Variants in TOX2 observed in about 807,000 individuals in gnomAD.
TOX2 encodes TOX high mobility group box family member 2, also known as granulosa cell HMG box 1.
A neutral mutation model predicts 47.4 loss-of-function variants in TOX2; 15 were observed. The ratio of observed to expected loss-of-function variants is 0.32; its 90% CI spans 0.21 to 0.49. The LOEUF (loss-of-function observed/expected upper bound fraction) is 0.49. Among genes scored for constraint, TOX2 ranks in the 20% least tolerant of loss-of-function variants. TOX2 has a pLI of 0.99. For missense variants in TOX2, 622 were observed against 673.1 expected (o/e 0.92, Z 0.84); for synonymous variants, 290 against 296.6 (o/e 0.98, Z 0.23).
Position 44,051,559 on chromosome 20 carries a change from A to G in TOX2, c.651+14A>G. On this transcript the variant is annotated intron_variant, in intron 4 of 8. Transcript: ENST00000341197. ...GTGCATTTCAAGGTATGTGCGGTGG[A>G]GGAACAGAGCCTGAAGCTGCCCTCC... 1 of 1,559,364 alleles carries G rather than the reference A, an allele frequency of 6.4e-7. No individual in the cohort carries two copies. The highest frequency in any genetic ancestry group is 8.7e-7 in the Non-Finnish European group (1 of 1,148,254).
chr20:44,055,319 A>C (rs943376686), intron 5 of TOX2, among the ~76,000 whole-genome samples: 1 of 152,226 alleles, frequency 6.6e-6, no homozygotes, highest in Non-Finnish European at 1.5e-5. Context: ...AGGAGGGTAC[A>C]TAGTTCATGA....
At chr20:44,050,406 A>G (rs1328022429) in intron 3 of TOX2, among the ~76,000 whole-genome samples, 1 of 152,250 alleles carries the variant, frequency 6.6e-6, no homozygotes, top group East Asian at 1.9e-4. Context: ...AAAAAATGGG[A>G]GAAAAACAGA....
intron 5 of TOX2, among the ~76,000 whole-genome samples, chr20:44,062,368 AAAT>A: frequency 5.8e-5 from 1 of 17,258 alleles, no homozygotes; most frequent in African/African-American, 1.9e-4. Context: ...TTTAACTGCA[AAAT>A]AAATAAATAA....
chr20:43,958,635 C>T (rs1170239365), intron 1 of TOX2, among the ~76,000 whole-genome samples: 1 of 152,234 alleles, frequency 6.6e-6, no homozygotes, highest in Non-Finnish European at 1.5e-5. Flanking sequence ...TGGCATATGG[C>T]CAGGTACATT....
At chr20:43,991,173 G>A (rs2070361235) in intron 2 of TOX2, among the ~76,000 whole-genome samples, 1 of 152,214 alleles carries the variant, frequency 6.6e-6, no homozygotes, top group Non-Finnish European at 1.5e-5. Flanking sequence ...TCAGAGGTAG[G>A]GGCTCAGATC....
intron 1 of TOX2, among the ~76,000 whole-genome samples, chr20:43,950,097 T>C (rs2069535500): frequency 6.6e-6 from 1 of 152,130 alleles, no homozygotes; most frequent in Admixed American, 6.5e-5. Flanking sequence ...TCTTTCCCAC[T>C]TGCTGGATTG....
intron 2 of TOX2, among the ~76,000 whole-genome samples, chr20:44,003,441 G>A (rs763583690): frequency 9.2e-5 from 14 of 151,918 alleles, no homozygotes; most frequent in Non-Finnish European, 1.6e-4. Context: ...CTCCCGTCTT[G>A]GCCTCCCAAA....
intron 7 of TOX2, 137 bp from the exon 8 acceptor site, chr20:44,066,593 G>T (rs2145803888): frequency 1.5e-6 from 2 of 1,339,744 alleles, no homozygotes; most frequent in Non-Finnish European, 2.1e-6. Flanking sequence ...TCTACTGGGA[G>T]CAAGGCAGCA....
At chr20:44,037,614 T>G (rs778347735) in intron 3 of TOX2, among the ~76,000 whole-genome samples, 10 of 152,174 alleles carry the variant, frequency 6.6e-5, no homozygotes, top group Non-Finnish European at 1.0e-4. Context: ...CATCAAAGAT[T>G]TGTTGGTGAC....
intron 1 of TOX2, among the ~76,000 whole-genome samples, chr20:43,948,121 T>C (rs1174741136): frequency 6.6e-6 from 1 of 152,142 alleles, no homozygotes; most frequent in Admixed American, 6.5e-5. Flanking sequence ...GCTCAGTAAA[T>C]AACGTGTTCT....
chr20:44,016,764 C>T (rs1194942598), intron 3 of TOX2, among the ~76,000 whole-genome samples: 3 of 152,196 alleles, frequency 2.0e-5, no homozygotes, highest in African/African-American at 7.2e-5. Flanking sequence ...TGTATGAGGA[C>T]CCAGTTCAGA....
chr20:43,960,695 C>T (rs1406813961), intron 1 of TOX2, among the ~76,000 whole-genome samples: 2 of 152,236 alleles, frequency 1.3e-5, no homozygotes, highest in African/African-American at 4.8e-5. Flanking sequence ...AAAGCACATG[C>T]TGATTTCACT....
At chr20:44,064,406 T>A (rs2071773191) in intron 5 of TOX2, among the ~76,000 whole-genome samples, 1 of 152,154 alleles carries the variant, frequency 6.6e-6, no homozygotes, top group South Asian at 2.1e-4. Context: ...TATGAACAAG[T>A]AGGTTCATTC....
intron 3 of TOX2, among the ~76,000 whole-genome samples, chr20:44,020,910 C>T (rs761938516): frequency 6.6e-6 from 1 of 152,138 alleles, no homozygotes; most frequent in African/African-American, 2.4e-5. Context: ...ACTCGAGGAC[C>T]GACACCTCTG....
chr20:43,919,027 C>T (rs1169390214), intron 1 of TOX2, among the ~76,000 whole-genome samples: 2 of 152,310 alleles, frequency 1.3e-5, no homozygotes, highest in East Asian at 1.9e-4. Context: ...CAGCATCCTT[C>T]GTCCCTGGAC....
In TOX2 at chr20:44,006,763, A is replaced by T. The variant is rs1352527900; in HGVS notation, c.382A>T (p.Ser128Cys). The stretch of plus-strand genomic sequence containing the variant: ...GGTGTCCAACATGCTAGCACAGGAC[A>T]GCCACCTGCTGTCGGGCCAGCTGCC... Reference protein sequence around the residue: ...IMVSNMLAQDSHLLSGQLPTI... With the variant: ...IMVSNMLAQDCHLLSGQLPTI... The change falls in exon 3 of 9, where the codon AGC becomes TGC. Residue 128 changes from serine to cysteine, a missense_variant. This residue lies in a region of TOX2 where 307 missense variants were observed against 327.3 expected (regional missense o/e 0.94). Coordinates refer to ENST00000341197, the MANE Select transcript of TOX2 (RefSeq NM_001098797.2). 2.5e-6 allele frequency: 4 copies of T among 1,613,916 alleles called. No homozygotes were observed. The highest frequency in any genetic ancestry group is 3.4e-6 in the Non-Finnish European group (4 of 1,180,004).
intron 1 of TOX2, among the ~76,000 whole-genome samples, chr20:43,972,162 TGTGCTTG>T (rs2069983675): frequency 6.6e-6 from 1 of 152,174 alleles, no homozygotes; most frequent in Non-Finnish European, 1.5e-5. Flanking sequence ...TCTGAAGACT[TGTGCTTG>T]GTCAATTGGG....
intron 1 of TOX2, among the ~76,000 whole-genome samples, chr20:43,940,098 G>T (rs937031028): frequency 6.6e-6 from 1 of 152,170 alleles, no homozygotes; most frequent in African/African-American, 2.4e-5. Context: ...GAGGGATGGG[G>T]CATTGGGTCT....
intron 6 of TOX2, 24 bp downstream of exon 6, chr20:44,064,881 CA>C (rs2145797010): frequency 6.2e-7 from 1 of 1,610,378 alleles, no homozygotes; most frequent in East Asian, 2.2e-5. Context: ...TCTCCAGGCA[CA>C]GCCCTGATCA....
Sources: gnomAD v4.1 joint callset for allele counts (sites outside exome capture counted in the v4.1 genomes callset) on GRCh38, gnomAD v4.1.1 for gene constraint, gnomAD v4.1.1 regional missense constraint, MANE v1.5 for transcripts, NCBI Gene and HGNC (gene_info 2026-07-23, HGNC 2026-07-21) for gene names.